Variants in NRXN3 observed in about 807,000 individuals in gnomAD.
NRXN3 encodes neurexin III.
NRXN3 carries 32 observed loss-of-function variants against 137.6 expected under a neutral mutation model. The ratio of observed to expected loss-of-function variants is 0.23; its 90% CI spans 0.18 to 0.31. The LOEUF is 0.31. Among genes scored for constraint, NRXN3 ranks in the 10% least tolerant of loss-of-function variants. NRXN3 has a pLI of 1.00. For synonymous variants in NRXN3, 798 were observed against 784.5 expected (o/e 1.02, Z -0.29); for missense variants, 1,574 against 2,062.5 (o/e 0.76, Z 4.59).
chr14:79,811,288 T>C (rs1170060536), intron 20 of NRXN3, among the ~76,000 whole-genome samples: 1 of 152,206 alleles, frequency 6.6e-6, no homozygotes, highest in African/African-American at 2.4e-5. Context: ...ATTTTAGCTT[T>C]GGAAAGAGAA....
chr14:79,233,696 G>T (rs2072683686), intron 15 of NRXN3, among the ~76,000 whole-genome samples: 1 of 151,724 alleles, frequency 6.6e-6, no homozygotes, highest in Non-Finnish European at 1.5e-5. Flanking sequence ...GTGTGTGTGT[G>T]TCTGTTGATC....
chr14:78,235,753 C>G (rs2066204218), intron 1 of NRXN3, among the ~76,000 whole-genome samples: 2 of 152,146 alleles, frequency 1.3e-5, no homozygotes, highest in Admixed American at 6.5e-5. Flanking sequence ...AGGCTGTTTC[C>G]CCTTCTTTTT....
intron 19 of NRXN3, among the ~76,000 whole-genome samples, chr14:79,699,342 G>A (rs1478730947): frequency 6.6e-6 from 1 of 152,164 alleles, no homozygotes; most frequent in South Asian, 2.1e-4. Context: ...TGAAAGGATA[G>A]TTCTGTCTGC....
At chr14:78,884,980 T>C (rs566324545) in intron 10 of NRXN3, among the ~76,000 whole-genome samples, 36 of 152,194 alleles carry the variant, frequency 2.4e-4, no homozygotes, top group African/African-American at 8.7e-4. Flanking sequence ...TCTGCTATTA[T>C]TAAAGCTCCT....
intron 15 of NRXN3, among the ~76,000 whole-genome samples, chr14:79,024,866 G>A (rs874317): frequency 0.54 from 82,260 of 151,922 alleles, 24,203 homozygotes; most frequent in East Asian, 0.78. Context: ...ATTAATATAA[G>A]GTATTTGTTG....
At chr14:79,465,155 A>G (rs2096404909) in intron 15 of NRXN3, among the ~76,000 whole-genome samples, 1 of 152,220 alleles carries the variant, frequency 6.6e-6, no homozygotes, top group Admixed American at 6.5e-5. Context: ...AAGAATAAAG[A>G]GAGTGGTGAT....
chr14:78,259,860 G>A (rs1486146863), intron 2 of NRXN3, among the ~76,000 whole-genome samples: 3 of 152,168 alleles, frequency 2.0e-5, no homozygotes, highest in African/African-American at 7.2e-5. Context: ...TCAGCAATCT[G>A]AAGTTGCTTA....
intron 4 of NRXN3, among the ~76,000 whole-genome samples, chr14:78,531,752 C>A (rs1292045826): frequency 6.6e-6 from 1 of 152,110 alleles, no homozygotes; most frequent in Non-Finnish European, 1.5e-5. Flanking sequence ...CAAAGGTACT[C>A]AAATACTTTT....
rs549823987 is a variant in NRXN3 at position 79,785,735 on chromosome 14, A to C, written c.4015-19377A>C. Among the ~76,000 whole-genome samples the C allele has an allele frequency of 2.4e-4, 37 of 152,264 alleles. 1 individual carries two copies. The highest frequency in any genetic ancestry group is 2.4e-3 in the Admixed American group (37 of 15,278). ...CCCAAAGCATTAGCTCCAAAAAGAAAGGTTGAATGAATGATTGGTGAGTCA... is the reference window on the plus strand; with the variant it reads ...CCCAAAGCATTAGCTCCAAAAAGAACGGTTGAATGAATGATTGGTGAGTCA... On this transcript the variant is annotated intron_variant, in intron 19 of 20. Coordinates refer to ENST00000335750, the MANE Select transcript of NRXN3 (RefSeq NM_001330195.2).
At chr14:79,129,637 A>C (rs2057119352) in intron 15 of NRXN3, among the ~76,000 whole-genome samples, 1 of 135,558 alleles carries the variant, frequency 7.4e-6, no homozygotes, top group Admixed American at 7.5e-5. Context: ...TGTGGTGCTG[A>C]AAAAAATGTC....
chr14:78,910,922 C>A (rs1055226930), intron 10 of NRXN3, among the ~76,000 whole-genome samples: 2 of 152,116 alleles, frequency 1.3e-5, no homozygotes, highest in Non-Finnish European at 2.9e-5. Context: ...CTCCTCCACC[C>A]CATATCAATG....
chr14:79,290,911 C>G lies in NRXN3; in HGVS notation c.3263-176310C>G, dbSNP rs77235689. On this transcript the variant is annotated intron_variant, in intron 15 of 20. Transcript: ENST00000335750. ...CAACTGGATCACAATAAAGCAAAAC[C>G]TCGTCAGACTCTTTGGGTCCATTCT... 7.7e-3 allele frequency among the ~76,000 whole-genome samples: 1,169 copies of G among 152,184 alleles called. 24 individuals are homozygous for G. The South Asian group carries it at 0.08, about 10-fold the overall frequency.
At chr14:78,933,986 G>A (rs2099328774) in intron 10 of NRXN3, among the ~76,000 whole-genome samples, 1 of 151,852 alleles carries the variant, frequency 6.6e-6, no homozygotes, top group African/African-American at 2.4e-5. Flanking sequence ...AATACCTACG[G>A]TTGATGAGGA....
intron 8 of NRXN3, among the ~76,000 whole-genome samples, chr14:78,785,139 T>G (rs1349515705): frequency 6.6e-6 from 1 of 151,946 alleles, no homozygotes; most frequent in Non-Finnish European, 1.5e-5. Context: ...CAGAGATAGC[T>G]TTTGCTAGTT....
chr14:79,000,367 T>C (rs1361404705), intron 15 of NRXN3, among the ~76,000 whole-genome samples: 2 of 152,220 alleles, frequency 1.3e-5, no homozygotes, highest in African/African-American at 2.4e-5. Flanking sequence ...TAAGGAGTTA[T>C]AGCTTTCGGT....
rs2092273690 is a variant in NRXN3, at chr14:78,403,649, A to G, written c.757+105789A>G. ...GCTGCACTAAGATTTGAAGGGTGAG[A>G]GAGTTGCAAAATCACGAACACCGAG... is the stretch of plus-strand genomic sequence containing the variant. On this transcript the variant is annotated intron_variant, in intron 4 of 20. Coordinates refer to ENST00000335750, the MANE Select transcript of NRXN3 (RefSeq NM_001330195.2). 9 of 903,700 alleles carry G rather than the reference A, an allele frequency of 1.0e-5. No individual in the cohort carries two copies. The South Asian group carries it at 4.6e-4, about 46-fold the overall frequency. The allele number at this position is 903,700 out of a possible 1,614,324, so 56.0% of individuals were successfully genotyped here. A position where few individuals can be genotyped will look rare whatever the true frequency, so the allele number is the denominator to read the frequency against.
chr14:79,443,330 C>T (rs1427353686), intron 15 of NRXN3, among the ~76,000 whole-genome samples: 4 of 152,146 alleles, frequency 2.6e-5, no homozygotes, highest in South Asian at 2.1e-4. Flanking sequence ...GAGAAGCTAA[C>T]TCATTTTCTC....
intron 10 of NRXN3, among the ~76,000 whole-genome samples, chr14:78,853,390 G>A (rs2152494491): frequency 6.6e-6 from 1 of 152,180 alleles, no homozygotes; most frequent in South Asian, 2.1e-4. Context: ...TCTGTTGATG[G>A]ACACATAGTT....
intron 4 of NRXN3, among the ~76,000 whole-genome samples, chr14:78,559,483 A>G (rs2096767972): frequency 6.6e-6 from 1 of 152,188 alleles, no homozygotes; most frequent in South Asian, 2.1e-4. Flanking sequence ...TGTGGCCCTG[A>G]GCAAAAATTG....
Sources: gnomAD v4.1 joint callset for allele counts (sites outside exome capture counted in the v4.1 genomes callset) on GRCh38, gnomAD v4.1.1 for gene constraint, MANE v1.5 for transcripts, NCBI Gene and HGNC (gene_info 2026-07-23, HGNC 2026-07-21) for gene names.